CAMKMT: variants seen among roughly 807,000 people sequenced by gnomAD.
CAMKMT encodes calmodulin-lysine N-methyltransferase.
In CAMKMT, 53 loss-of-function variants were observed where a neutral mutation model predicts 48.0. The observed-to-expected ratio is 1.10, with a 90% CI of 0.89 to 1.39. CAMKMT has a LOEUF of 1.39. Among genes scored for constraint, CAMKMT ranks in the 40% most tolerant of loss-of-function variants. The probability of loss-of-function intolerance (pLI) is 0.00; values close to 1 mark genes in which losing one functional copy is unlikely to be tolerated. For synonymous variants in CAMKMT, 165 were observed against 152.3 expected (o/e 1.08, Z -0.61); for missense variants, 428 against 402.7 (o/e 1.06, Z -0.54).
At chr2:44,733,436 G>A (rs746382374) in intron 7 of CAMKMT, among the ~76,000 whole-genome samples, 1 of 152,022 alleles carries the variant, frequency 6.6e-6, no homozygotes, top group Non-Finnish European at 1.5e-5. Context: ...GCTTATTTTT[G>A]TATATCTCTT....
chr2:44,425,859 T>C (rs1020302581), intron 3 of CAMKMT, among the ~76,000 whole-genome samples: 2 of 152,128 alleles, frequency 1.3e-5, no homozygotes, highest in Non-Finnish European at 2.9e-5. Flanking sequence ...GCCTCCCAAG[T>C]AGCTGGGATT....
intron 3 of CAMKMT, among the ~76,000 whole-genome samples, chr2:44,531,126 A>G (rs187107761): frequency 3.9e-5 from 6 of 152,204 alleles, no homozygotes; most frequent in East Asian, 3.9e-4. Flanking sequence ...TTCCTGGATT[A>G]TACTGTTATG....
rs745361043 is a variant in CAMKMT at position 44,766,417 on chromosome 2, T to C, written c.763-13T>C. ...AGTTTTAAAATATGTGAATTTCCTT[T>C]TTACTGTTCTAGGGGAAAGCGATGG... On this transcript the variant is annotated splice_polypyrimidine_tract_variant and intron_variant, in intron 9 of 10. Coordinates refer to ENST00000378494, the MANE Select transcript of CAMKMT (RefSeq NM_024766.5). 11 of 1,613,124 alleles carry C rather than the reference T, an allele frequency of 6.8e-6. No individual in the cohort carries two copies. The highest frequency in any genetic ancestry group is 1.1e-5 in the South Asian group (1 of 90,796).
chr2:44,449,333 A>G (rs184838471), intron 3 of CAMKMT, among the ~76,000 whole-genome samples: 350 of 152,242 alleles, frequency 2.3e-3, no homozygotes, highest in Admixed American at 6.6e-3. Context: ...CATGCATGTT[A>G]TTTCAACTGA....
At chr2:44,769,669 C>A (rs554659284) in intron 10 of CAMKMT, among the ~76,000 whole-genome samples, 2 of 151,438 alleles carry the variant, frequency 1.3e-5, no homozygotes, top group East Asian at 1.9e-4. Flanking sequence ...TATAAACTTT[C>A]GCAAAACCAC....
At chr2:44,568,652 A>C (rs1183153688) in intron 3 of CAMKMT, among the ~76,000 whole-genome samples, 2 of 152,150 alleles carry the variant, frequency 1.3e-5, no homozygotes, top group African/African-American at 4.8e-5. Flanking sequence ...GAGAGGAAGG[A>C]GAAGGGGCCA....
intron 3 of CAMKMT, 44 bp downstream of exon 3, chr2:44,390,349 C>G (rs757290678): frequency 7.2e-7 from 1 of 1,386,112 alleles, no homozygotes; most frequent in African/African-American, 1.4e-5. Flanking sequence ...TAGTGTTTTA[C>G]AAAGTGAATT....
chr2:44,613,787 C>G (rs1404759156), intron 3 of CAMKMT, among the ~76,000 whole-genome samples: 3 of 152,134 alleles, frequency 2.0e-5, no homozygotes, highest in Non-Finnish European at 4.4e-5. Context: ...ATCAGCCAGT[C>G]TGACTCCTTA....
At chr2:44,527,374 TACATATA>T (rs1419647956) in intron 3 of CAMKMT, among the ~76,000 whole-genome samples, 84 of 143,698 alleles carry the variant, frequency 5.8e-4, no homozygotes, top group African/African-American at 2.0e-3. Flanking sequence ...CGTATATACA[TACATATA>T]ATATATAATA....
intron 3 of CAMKMT, among the ~76,000 whole-genome samples, chr2:44,409,536 T>C (rs1683046604): frequency 6.6e-6 from 1 of 152,192 alleles, no homozygotes; most frequent in African/African-American, 2.4e-5. Flanking sequence ...AGTTTTTATA[T>C]ACTTCTTTGG....
At chr2:44,730,568 C>A (rs1679028132) in intron 7 of CAMKMT, among the ~76,000 whole-genome samples, 1 of 152,222 alleles carries the variant, frequency 6.6e-6, no homozygotes, top group African/African-American at 2.4e-5. Context: ...TCAATATCCC[C>A]TTTCATTCTG....
chr2:44,499,944 A>G (rs1460288668), intron 3 of CAMKMT, among the ~76,000 whole-genome samples: 1 of 150,646 alleles, frequency 6.6e-6, no homozygotes, highest in Non-Finnish European at 1.5e-5. Flanking sequence ...AGCTTTGTGT[A>G]CTATGTATTG....
chr2:44,687,977 T>C (rs1339069148), intron 3 of CAMKMT, among the ~76,000 whole-genome samples: 1 of 152,258 alleles, frequency 6.6e-6, no homozygotes, highest in Non-Finnish European at 1.5e-5. Context: ...GCCTGTCTGC[T>C]TTTCACAACT....
At chr2:44,381,815 G>A (rs1307119633) in intron 2 of CAMKMT, among the ~76,000 whole-genome samples, 3 of 151,966 alleles carry the variant, frequency 2.0e-5, no homozygotes, top group Non-Finnish European at 2.9e-5. Context: ...AAATTCTCAT[G>A]TTATCTCTCC....
At chr2:44,626,121 C>T (rs903170709) in intron 3 of CAMKMT, among the ~76,000 whole-genome samples, 1 of 152,138 alleles carries the variant, frequency 6.6e-6, no homozygotes, top group Non-Finnish European at 1.5e-5. Flanking sequence ...AGATAATTCA[C>T]ATCTTAATAA....
chr2:44,532,100 G>A (rs376560585), intron 3 of CAMKMT, among the ~76,000 whole-genome samples: 2 of 152,056 alleles, frequency 1.3e-5, no homozygotes, highest in African/African-American at 4.8e-5. Context: ...TTCTGAATAC[G>A]GCTACTTGCT....
intron 2 of CAMKMT, among the ~76,000 whole-genome samples, chr2:44,388,215 T>G (rs1206545442): frequency 3.3e-5 from 5 of 152,160 alleles, no homozygotes; most frequent in Admixed American, 3.3e-4. Context: ...CTTATTCTTT[T>G]TCTCTTTGTT....
rs151229863 is a variant in CAMKMT at position 44,485,577 on chromosome 2, A to G, written c.376+95272A>G. Among the ~76,000 whole-genome samples the G allele has an allele frequency of 5.8e-4, 89 of 152,320 alleles. No homozygotes were observed. The East Asian group carries it at 0.015, about 26-fold the overall frequency. ...CTAGATGGTATAGCCTGCTGCACACATAGGCTATGTGGTATAGCCTGCCGC... is the reference window on the plus strand; with the variant it reads ...CTAGATGGTATAGCCTGCTGCACACGTAGGCTATGTGGTATAGCCTGCCGC... On this transcript the variant is annotated intron_variant, in intron 3 of 10. Coordinates refer to ENST00000378494, the MANE Select transcript of CAMKMT (RefSeq NM_024766.5).
At chr2:44,713,295 A>G (rs377124590) in intron 6 of CAMKMT, among the ~76,000 whole-genome samples, 185 of 152,322 alleles carry the variant, frequency 1.2e-3, no homozygotes, top group Middle Eastern at 3.4e-3. Flanking sequence ...TAGATTAGTC[A>G]TGTACTCATA....
Sources: allele counts gnomAD v4.1 joint callset (sites outside exome capture counted in the v4.1 genomes callset), GRCh38; gene constraint gnomAD v4.1.1; transcripts MANE v1.5; gene names NCBI Gene and HGNC (gene_info 2026-07-23, HGNC 2026-07-21).